The following ADCY9 variants were observed in gnomAD, a reference collection of about 807,000 sequenced individuals.
ADCY9 encodes adenylate cyclase 9.
In ADCY9, 50 loss-of-function variants were observed where a neutral mutation model predicts 101.5. That is an observed-to-expected ratio of 0.49 (90% CI 0.39 to 0.62). The LOEUF (loss-of-function observed/expected upper bound fraction) is 0.62, where lower values mean the gene tolerates loss of function less well. Among genes scored for constraint, ADCY9 ranks in the 20% least tolerant of loss-of-function variants. The probability of loss-of-function intolerance (pLI) is 0.00; values close to 1 mark genes in which losing one functional copy is unlikely to be tolerated. For synonymous variants in ADCY9, 905 were observed against 769.3 expected, an observed-to-expected ratio of 1.18 and a Z score of -2.92; for missense variants, 1,662 against 1,800.4, an observed-to-expected ratio of 0.92 and a Z score of 1.39.
intron 2 of ADCY9, among the ~76,000 whole-genome samples, chr16:4,085,960 A>T (rs2056935258): frequency 2.0e-5 from 3 of 148,168 alleles, no homozygotes; most frequent in South Asian, 2.1e-4. Context: ...CATAATTATT[A>T]AAAAAAAAAC....
chr16:4,114,719 A>G lies in ADCY9; in HGVS notation c.724T>C (p.Leu242=), dbSNP rs770145275. The G allele has an allele frequency of 1.2e-6, 2 of 1,613,036 alleles. No homozygotes were observed. The highest frequency in any genetic ancestry group is 3.3e-5 in the Admixed American group (2 of 60,008). The change falls in exon 2 of 11, where the codon TTG becomes CTG. Residue 242 remains leucine (L), a synonymous_variant. Transcript: ENST00000294016. This position sits in a 1 kb window ranked among gnomAD's most constrained non-coding sequence, Gnocchi z 4.3. ...ACCCCCAGACACAAACTCAGGTACA[A>G]AGGTAAGTGCATGACGGTATAGAGC... ...FLLYTVMHLP[L]YLSLCLGVAY...
chr16:4,051,712 A>T (rs976238437), intron 2 of ADCY9, among the ~76,000 whole-genome samples: 1 of 152,160 alleles, frequency 6.6e-6, no homozygotes, highest in African/African-American at 2.4e-5. Context: ...GAGTGTATTG[A>T]TAGGAAGGAG....
chr16:4,065,260 C>T (rs1427951897), intron 2 of ADCY9, among the ~76,000 whole-genome samples: 1 of 152,124 alleles, frequency 6.6e-6, no homozygotes, highest in African/African-American at 2.4e-5. Flanking sequence ...TCACTCTCCC[C>T]GCAACCTGCC....
chr16:4,073,319 T>C (rs1265345404), intron 2 of ADCY9, among the ~76,000 whole-genome samples: 1 of 151,978 alleles, frequency 6.6e-6, no homozygotes, highest in Admixed American at 6.6e-5. Context: ...ACTCCTGGCC[T>C]CAAGTGATCA....
At chr16:4,068,332 A>C (rs1247839585) in intron 2 of ADCY9, among the ~76,000 whole-genome samples, 1 of 151,988 alleles carries the variant, frequency 6.6e-6, no homozygotes, top group African/African-American at 2.4e-5. Flanking sequence ...TGCAAAAAAA[A>C]AACAAAGCAA....
chr16:3,969,621 T>C (rs1482472171), intron 10 of ADCY9, among the ~76,000 whole-genome samples: 1 of 125,326 alleles, frequency 8.0e-6, no homozygotes, highest in Non-Finnish European at 1.7e-5. Context: ...TATTTTTTTT[T>C]TTTTTTAAGA....
rs201937935 is a variant in ADCY9 at position 3,983,221 on chromosome 16, G to A, written c.2519+11C>T. On this transcript the variant is annotated intron_variant, in intron 7 of 10. Transcript: ENST00000294016. ...GCTCAGAGCTGGAGACCCAGTCCAC[G>A]CGGCGCTTACCTGATGGACACCGCG... 3.0e-4 allele frequency: 462 copies of A among 1,545,574 alleles called. No homozygotes were observed. The African/African-American group carries it at 5.7e-3, about 19-fold the overall frequency.
chr16:4,092,201 C>T (rs761989272), intron 2 of ADCY9, among the ~76,000 whole-genome samples: 4 of 152,268 alleles, frequency 2.6e-5, no homozygotes, highest in Admixed American at 6.5e-5. Flanking sequence ...ATCCAGGAAA[C>T]GGAGGTTGCA....
chr16:4,009,911 A>G (rs569114459), intron 2 of ADCY9, among the ~76,000 whole-genome samples: 59 of 152,318 alleles, frequency 3.9e-4, no homozygotes, highest in African/African-American at 1.3e-3. Context: ...TCTCCTTCCC[A>G]TGACTCCTGA....
At position 4,114,605 on chromosome 16, in the gene ADCY9, C is replaced by T. The variant is rs558982401; in HGVS notation, c.838G>A (p.Glu280Lys). ...PSPGAGALHW[E>K]LLSRGLLHGC... ...TGGAGCAGCCCCCTGCTCAGCAGCT[C>T]CCAGTGCAGGGCCCCGGCTCCGGGC... is the stretch of plus-strand genomic sequence containing the variant. The change falls in exon 2 of 11, where the codon GAG becomes AAG. Residue 280 changes from glutamate (E) to lysine (K), a missense_variant. Physicochemically the swap from Glu to Lys is moderately conservative, Grantham distance 56 (BLOSUM62 1). Coordinates refer to ENST00000294016, the MANE Select transcript of ADCY9 (RefSeq NM_001116.4). This position sits in a 1 kb window ranked among gnomAD's most constrained non-coding sequence, Gnocchi z 4.3. The T allele has an allele frequency of 2.4e-5, 39 of 1,613,812 alleles. No homozygotes were observed. In the South Asian group the frequency reaches 4.3e-4, roughly 18 times the overall value.
intron 2 of ADCY9, among the ~76,000 whole-genome samples, chr16:4,011,169 G>A (rs1009686567): frequency 2.6e-5 from 4 of 152,186 alleles, no homozygotes; most frequent in African/African-American, 9.7e-5. Flanking sequence ...GGGGGTGGCT[G>A]ACACCAGGCA....
At chr16:4,004,251 TAAAAAA>T (rs71133681) in intron 3 of ADCY9, among the ~76,000 whole-genome samples, 1 of 107,686 alleles carries the variant, frequency 9.3e-6, no homozygotes, top group Admixed American at 1.1e-4. Context: ...CCCATCTCTT[TAAAAAA>T]AAAAAAAAAA....
intron 3 of ADCY9, among the ~76,000 whole-genome samples, chr16:3,998,231 C>T (rs547733508): frequency 7.2e-4 from 110 of 152,294 alleles, no homozygotes; most frequent in African/African-American, 2.5e-3. Flanking sequence ...AAGACCCCAT[C>T]TCTACAAAAG....
At chr16:4,008,997 T>C (rs1394500819) in intron 2 of ADCY9, among the ~76,000 whole-genome samples, 2 of 152,104 alleles carry the variant, frequency 1.3e-5, no homozygotes, top group African/African-American at 4.8e-5. Flanking sequence ...GCTTTAAAAT[T>C]AATTAATCAG....
At chr16:3,979,343 G>A in intron 7 of ADCY9, 68 bp from the exon 8 acceptor site, 2 of 1,570,408 alleles carry the variant, frequency 1.3e-6, no homozygotes, top group Non-Finnish European at 8.7e-7. Flanking sequence ...GGAGACAGGT[G>A]CGAGGCCGCA....
At chr16:3,981,052 C>A (rs559953611) in intron 7 of ADCY9, among the ~76,000 whole-genome samples, 1 of 152,336 alleles carries the variant, frequency 6.6e-6, no homozygotes, top group East Asian at 1.9e-4. Flanking sequence ...TCCCGTCAAC[C>A]TGGGGTCCTC....
chr16:4,045,024 C>A lies in ADCY9; in HGVS notation c.1694-37466G>T, dbSNP rs370202256. 6.6e-5 allele frequency among the ~76,000 whole-genome samples: 10 copies of A among 152,230 alleles called. No individual in the cohort carries two copies. The South Asian group carries it at 2.1e-3, about 32-fold the overall frequency. ...CAAGAAATATTTATTAATGCAAACT[C>A]GTATAAATTCGTATCATCTGAGTTT... On this transcript the variant is annotated intron_variant, in intron 2 of 10. Coordinates refer to ENST00000294016, the MANE Select transcript of ADCY9 (RefSeq NM_001116.4).
At position 3,965,792 on chromosome 16, in the gene ADCY9, C is replaced by T. The variant is rs141625716; in HGVS notation, c.4045G>A (p.Val1349Ile). 1.9e-5 allele frequency: 31 copies of T among 1,613,012 alleles called. No homozygotes were observed. Among genetic ancestry groups the T allele is most frequent in the South Asian group, 6.6e-5 (6 of 90,970 alleles). Residue 1349 changes from valine to isoleucine, a missense_variant, in exon 11 of 11, where the codon GTT (valine) becomes ATT (isoleucine). Physicochemically the swap from Val to Ile is conservative, Grantham distance 29. Coordinates refer to ENST00000294016, the MANE Select transcript of ADCY9 (RefSeq NM_001116.4). ...GCGCCGCCTCACACACTCTTTGAAACGTTGAGCTTGGTGAGTTCGTTGGCT... is the reference window on the plus strand; with the variant it reads ...GCGCCGCCTCACACACTCTTTGAAATGTTGAGCTTGGTGAGTTCGTTGGCT... ...EEANELTKLN[V>I]SKSV is the part of the protein sequence containing the mutation.
chr16:3,993,416 T>C lies in ADCY9; in HGVS notation c.1979A>G (p.Asn660Ser), dbSNP rs1227383281. ...CCATGAGCTTGTTACCTTGGTGCTG[T>C]TTTTATGCTCGTCTTGGCAGCCGTT... ...PQNGCQDEHK[N>S]STKASGGPNP... is the part of the protein sequence containing the mutation. Residue 660 changes from asparagine (N) to serine (S), a missense_variant, in exon 4 of 11, where the codon AAC (asparagine) becomes AGC (serine). Coordinates refer to ENST00000294016, the MANE Select transcript of ADCY9 (RefSeq NM_001116.4). The C allele has an allele frequency of 6.2e-7, 1 of 1,614,032 alleles. No homozygotes were observed. The highest frequency in any genetic ancestry group is 1.7e-5 in the Admixed American group (1 of 60,028).
Sources: allele counts gnomAD v4.1 joint callset (sites outside exome capture counted in the v4.1 genomes callset), GRCh38; gene constraint gnomAD v4.1.1; non-coding constraint Gnocchi (gnomAD v3.1); transcripts MANE v1.5; gene names NCBI Gene and HGNC (gene_info 2026-07-23, HGNC 2026-07-21).